TMC5: variants seen among roughly 807,000 people sequenced by gnomAD.
TMC5 encodes the protein transmembrane channel-like protein 5.
In TMC5, 86 loss-of-function variants were observed where a neutral mutation model predicts 110.5. The ratio of observed to expected loss-of-function variants is 0.78; its 90% CI spans 0.65 to 0.93. TMC5 has a LOEUF of 0.93. Ranked by LOEUF, TMC5 falls within the 40% of genes least tolerant of loss-of-function variation. The probability of loss-of-function intolerance (pLI) is 0.00; values close to 1 mark genes in which losing one functional copy is unlikely to be tolerated. For missense variants in TMC5, 1,144 were observed against 1,222.8 expected (o/e 0.94, Z 0.96); for synonymous variants, 455 against 439.5 (o/e 1.04, Z -0.44).
intron 5 of TMC5, among the ~76,000 whole-genome samples, chr16:19,452,555 A>G (rs936338845): frequency 1.3e-5 from 2 of 151,662 alleles, no homozygotes; most frequent in Non-Finnish European, 2.9e-5. Context: ...CGTCTCTACT[A>G]AAAATACAAA....
At chr16:19,454,901 A>G (rs1166973614) in intron 5 of TMC5, among the ~76,000 whole-genome samples, 8 of 152,288 alleles carry the variant, frequency 5.3e-5, no homozygotes, top group Admixed American at 6.5e-5. Context: ...CACTCTGGGA[A>G]GCCAAGGTGG....
At chr16:19,443,123 G>A (rs1188707096) in intron 3 of TMC5, among the ~76,000 whole-genome samples, 1 of 152,166 alleles carries the variant, frequency 6.6e-6, no homozygotes, top group Non-Finnish European at 1.5e-5. Context: ...TAGGTCAGTG[G>A]TTCTTGACTT....
At chr16:19,448,074 T>A (rs958767865) in intron 4 of TMC5, among the ~76,000 whole-genome samples, 9 of 150,172 alleles carry the variant, frequency 6.0e-5, no homozygotes, top group Non-Finnish European at 1.5e-5. Context: ...GAGAATCACT[T>A]GAACCCGGGA....
At chr16:19,431,544 G>GAA (rs112601330) in intron 2 of TMC5, among the ~76,000 whole-genome samples, 21 of 124,352 alleles carry the variant, frequency 1.7e-4, no homozygotes, top group Admixed American at 8.4e-4. Context: ...TTCCATCTCA[G>GAA]AAAAAAAAAA....
At chr16:19,452,014 G>A (rs143675125) in intron 5 of TMC5, among the ~76,000 whole-genome samples, 1 of 152,106 alleles carries the variant, frequency 6.6e-6, no homozygotes, top group African/African-American at 2.4e-5. Context: ...GGCCAGGCTG[G>A]TCTCAAACTC....
intron 20 of TMC5, among the ~76,000 whole-genome samples, chr16:19,494,895 G>A (rs1052041380): frequency 1.3e-4 from 20 of 151,868 alleles, no homozygotes; most frequent in African/African-American, 2.9e-4. Flanking sequence ...CAAAGCCCCC[G>A]CCCTCATGGA....
upstream of TMC5, among the ~76,000 whole-genome samples, chr16:19,416,898 A>G (rs1966879908): frequency 6.6e-6 from 1 of 152,120 alleles, no homozygotes; most frequent in Admixed American, 6.5e-5. Context: ...GTTCAAGACC[A>G]GCCTGGCCAA....
chr16:19,423,855 G>A (rs887347369), intron 1 of TMC5, among the ~76,000 whole-genome samples: 4 of 152,250 alleles, frequency 2.6e-5, no homozygotes, highest in South Asian at 4.1e-4. Context: ...AGGTTGAAGC[G>A]ATTCTCCTGC....
At chr16:19,415,105 A>G (rs567579978), upstream of TMC5, among the ~76,000 whole-genome samples, 35 of 152,368 alleles carry the variant, frequency 2.3e-4, no homozygotes, top group Non-Finnish European at 1.8e-4. Context: ...TCACTCTGGA[A>G]GCAACCAGTA....
intron 13 of TMC5, among the ~76,000 whole-genome samples, chr16:19,479,149 G>A (rs1447583355): frequency 6.6e-6 from 1 of 152,186 alleles, no homozygotes; most frequent in Non-Finnish European, 1.5e-5. Flanking sequence ...ATAGGGCAGG[G>A]AAGAAAAGTT....
In TMC5 at chr16:19,440,220, CACGTCCAG is replaced by C. The variant is rs758671365; in HGVS notation, c.185_192del (p.Arg62LeufsTer12). On this transcript the variant is annotated frameshift_variant, in exon 3 of 22. Coordinates refer to ENST00000542583, the MANE Select transcript of TMC5 (RefSeq NM_001261841.2). LOFTEE classifies it high-confidence loss of function. ...AATCCATACTCTGTAGCCTCCAGAA[CACGTCCAG>C]ACTATCCTGGGTCTCTGGCAGAACC... The C allele has an allele frequency of 6.2e-7, 1 of 1,614,176 alleles. No homozygotes were observed. Among genetic ancestry groups the C allele is most frequent in the South Asian group, 1.1e-5 (1 of 91,078 alleles).
intron 6 of TMC5, among the ~76,000 whole-genome samples, chr16:19,461,809 G>A (rs1307558669): frequency 6.6e-6 from 1 of 152,044 alleles, no homozygotes; most frequent in Non-Finnish European, 1.5e-5. Flanking sequence ...ATTTTCTGAG[G>A]TTTCAAAGAC....
intron 2 of TMC5, among the ~76,000 whole-genome samples, chr16:19,438,027 C>T (rs1175883767): frequency 6.6e-6 from 1 of 152,246 alleles, no homozygotes; most frequent in South Asian, 2.1e-4. Context: ...GTCAGCCCTT[C>T]CTGAATCACC....
At chr16:19,441,867 G>A (rs1039591784) in intron 3 of TMC5, among the ~76,000 whole-genome samples, 1 of 151,898 alleles carries the variant, frequency 6.6e-6, no homozygotes, top group Middle Eastern at 3.4e-3. Context: ...GCAATGGCAC[G>A]ATCACAGCTC....
At chr16:19,457,709 C>CTTGTTTTTT (rs1967916340) in intron 5 of TMC5, among the ~76,000 whole-genome samples, 1 of 43,906 alleles carries the variant, frequency 2.3e-5, no homozygotes, top group Non-Finnish European at 5.3e-5. Flanking sequence ...AGACTACATT[C>CTTGTTTTTT]TTTTTTTTTT....
At chr16:19,470,631 G>A (rs368710678) in intron 10 of TMC5, among the ~76,000 whole-genome samples, 2 of 149,056 alleles carry the variant, frequency 1.3e-5, no homozygotes, top group South Asian at 2.1e-4. Context: ...CCTACAATGC[G>A]TAGAACAGCA....
intron 12 of TMC5, among the ~76,000 whole-genome samples, chr16:19,475,249 C>T (rs553656170): frequency 9.3e-4 from 141 of 152,200 alleles, no homozygotes; most frequent in African/African-American, 3.2e-3. Context: ...TGGTGAAACC[C>T]CGTCTTTACT....
At chr16:19,441,160 A>G (rs1415371390) in intron 3 of TMC5, among the ~76,000 whole-genome samples, 1 of 152,204 alleles carries the variant, frequency 6.6e-6, no homozygotes, top group East Asian at 1.9e-4. Context: ...TTAAGACTTG[A>G]CGCTCATAAA....
chr16:19,477,503 C>T lies in TMC5; in HGVS notation c.2154C>T (p.Ala718=), dbSNP rs781300502. The change falls in exon 13 of 22, where the codon GCC becomes GCT. Residue 718 remains alanine, a synonymous_variant. Coordinates refer to ENST00000542583, the MANE Select transcript of TMC5 (RefSeq NM_001261841.2). ...GTTACTATTGGCTCAACACCGTGGC[C>T]CTGTCTGGTGAAGAGGTGAGATTCT... ...ILCYYWLNTV[A]LSGEECWETL... 1 of 1,609,894 alleles carries T rather than the reference C, an allele frequency of 6.2e-7. No individual in the cohort carries two copies. The highest frequency in any genetic ancestry group is 8.5e-7 in the Non-Finnish European group (1 of 1,178,190).
Sources: gnomAD v4.1 joint callset for allele counts (sites outside exome capture counted in the v4.1 genomes callset) on GRCh38, gnomAD v4.1.1 for gene constraint, MANE v1.5 for transcripts, NCBI Gene and HGNC (gene_info 2026-07-23, HGNC 2026-07-21) for gene names.